LACTBL1: variants seen among roughly 807,000 people sequenced by gnomAD.
The protein encoded by LACTBL1 is beta-lactamase-like protein 1.
In LACTBL1, 29 loss-of-function variants were observed where a neutral mutation model predicts 39.6. The ratio of observed to expected loss-of-function variants is 0.73; its 90% confidence interval spans 0.55 to 1.00. The LOEUF (loss-of-function observed/expected upper bound fraction) is 1.00, where lower values mean the gene tolerates loss of function less well. Among genes scored for constraint, LACTBL1 ranks in the 50% least tolerant of loss-of-function variants. LACTBL1 has a pLI of 0.00. For missense variants in LACTBL1, 711 were observed against 748.5 expected (o/e 0.95, Z 0.59); for synonymous variants, 361 against 360.7 (o/e 1.00, Z -0.01).
chr1:22,953,377 G>A, exon 6 of LACTBL1: 2 of 1,228,540 alleles, frequency 1.6e-6, no homozygotes, highest in Non-Finnish European at 2.0e-6. Context: ...GGTCAGGTTG[G>A]CGAAGGTGAA....
exon 6 of LACTBL1, chr1:22,953,348 C>T: frequency 2.4e-6 from 3 of 1,228,998 alleles, no homozygotes; most frequent in Non-Finnish European, 3.0e-6. Flanking sequence ...CCCGCCGGCC[C>T]GGCGCGCACC....
At chr1:22,958,414 T>G (rs1383268948) in intron 4 of LACTBL1, among the ~76,000 whole-genome samples, 1 of 152,224 alleles carries the variant, frequency 6.6e-6, no homozygotes, top group South Asian at 2.1e-4. Context: ...TGCTCTTGCC[T>G]TATCAACTTC....
chr1:22,961,381 G>A (rs1640820926), intron 2 of LACTBL1, among the ~76,000 whole-genome samples: 1 of 151,768 alleles, frequency 6.6e-6, no homozygotes, highest in South Asian at 2.1e-4. Context: ...TTTGTTTTTT[G>A]AGACCAGAGT....
chr1:22,971,173 G>A, the LACTBL1 span, among the ~76,000 whole-genome samples: 2 of 152,142 alleles, frequency 1.3e-5, no homozygotes, highest in African/African-American at 4.8e-5. Context: ...GAGTCCATGG[G>A]CAGTGAATGG....
chr1:22,965,092 G>A (rs532672722), intron 1 of LACTBL1, among the ~76,000 whole-genome samples, 198 bp downstream of exon 3: 3 of 152,206 alleles, frequency 2.0e-5, no homozygotes, highest in South Asian at 2.1e-4. Flanking sequence ...TATACACGAG[G>A]ACATCGAGGC....
intron 4 of LACTBL1, among the ~76,000 whole-genome samples, chr1:22,957,298 T>C (rs1167105768): frequency 6.6e-6 from 1 of 152,200 alleles, no homozygotes; most frequent in Non-Finnish European, 1.5e-5. Context: ...CTTTTGCTAT[T>C]ACAAACAGTG....
rs924321803 is a variant in LACTBL1 at position 22,953,689 on chromosome 1, G to T, written c.995C>A (p.Pro332Gln). 4.7e-5 allele frequency: 61 copies of T among 1,294,498 alleles called. No individual in the cohort carries two copies. In the African/African-American group the frequency reaches 7.9e-4, roughly 17 times the overall value. The allele number at this position is 1,294,498 out of a possible 1,614,324, so 80.2% of individuals were successfully genotyped here. Residue 332 changes from proline to glutamine, a missense_variant, in exon 6 of 6, where the codon CCG becomes CAG. Coordinates refer to ENST00000426928, the Ensembl canonical transcript of LACTBL1. Reference sequence around the variant, plus strand: ...GTAGGCGCCCGGGCAGGCCAGCAGCGGCGCCAGCAGCGTCTTGGCCGCGTC... The same window carrying T: ...GTAGGCGCCCGGGCAGGCCAGCAGCTGCGCCAGCAGCGTCTTGGCCGCGTC...
chr1:22,970,826 AAC>A, the LACTBL1 span, among the ~76,000 whole-genome samples: 1 of 149,736 alleles, frequency 6.7e-6, no homozygotes, highest in Non-Finnish European at 1.5e-5. Context: ...AAAAAAAAAA[AAC>A]AACTCTTAGA....
At chr1:22,971,201 C>A in the LACTBL1 span, among the ~76,000 whole-genome samples, 1 of 152,174 alleles carries the variant, frequency 6.6e-6, no homozygotes, top group African/African-American at 2.4e-5. Flanking sequence ...GAGATTCAAG[C>A]TCTGTAAGAT....
chr1:22,958,587 G>A (rs1008764133), intron 4 of LACTBL1, 98 bp downstream of exon 6: 5 of 1,019,330 alleles, frequency 4.9e-6, no homozygotes, highest in Non-Finnish European at 7.1e-6. Flanking sequence ...TCAGGAAGCA[G>A]AGCCAAGAGT....
Position 22,963,169 on chromosome 1 carries a change from G to A in LACTBL1, c.97C>T (p.Arg33Trp), listed in dbSNP as rs575989475. Residue 33 changes from arginine (R) to tryptophan (W), a missense_variant, in exon 2 of 6, where the codon CGG becomes TGG. By Grantham distance (101) the Arg-to-Trp change is moderately radical. Coordinates refer to ENST00000426928, the Ensembl canonical transcript of LACTBL1. ...GCCAGGGGCACGGGCTCAGGGTGCC[G>A]GGGACACATCCTCACAGGGGCAGAG... 131 of 1,326,972 alleles carry A rather than the reference G, an allele frequency of 9.9e-5. No individual in the cohort carries two copies. In the South Asian group the frequency reaches 1.1e-3, roughly 11 times the overall value. The allele number at this position is 1,326,972 out of a possible 1,614,324, so 82.2% of individuals were successfully genotyped here.
At position 22,955,310 on chromosome 1, in the gene LACTBL1, A is replaced by G. The variant is rs1640750144; in HGVS notation, c.659+11T>C. The stretch of plus-strand genomic sequence containing the variant: ...CTAACATGAGGCTGGGCATCAGGGT[A>G]TGCTCCTCACCTGGTTCCCGGGTCC... On this transcript the variant is annotated intron_variant, in intron 5 of 5. Transcript: ENST00000426928. 1 of 1,547,682 alleles carries G rather than the reference A, an allele frequency of 6.5e-7. No individual in the cohort carries two copies. The highest frequency in any genetic ancestry group is 8.7e-7 in the Non-Finnish European group (1 of 1,144,510).
At chr1:22,965,531 C>G (rs1343635287), upstream of LACTBL1, 1 of 431,328 alleles carries the variant, frequency 2.3e-6, no homozygotes, top group Non-Finnish European at 3.1e-6. Context: ...CCAGACATCA[C>G]AAGAGCCCAC....
intron 2 of LACTBL1, among the ~76,000 whole-genome samples, chr1:22,961,591 T>C (rs1434281727): frequency 6.6e-6 from 1 of 152,160 alleles, no homozygotes; most frequent in Non-Finnish European, 1.5e-5. Flanking sequence ...CTTGAACTCC[T>C]GACCTCAGGT....
chr1:22,953,583 G>C, exon 6 of LACTBL1: 1 of 1,255,768 alleles, frequency 8.0e-7, no homozygotes, highest in Non-Finnish European at 1.0e-6. Context: ...CGGCGTAGCC[G>C]TCCAGATCGC....
At chr1:22,960,634 A>C (rs979895862) in intron 2 of LACTBL1, among the ~76,000 whole-genome samples, 1 of 151,028 alleles carries the variant, frequency 6.6e-6, no homozygotes, top group African/African-American at 2.4e-5. Flanking sequence ...AAAAAAAAAA[A>C]AAAAAAAACC....
exon 6 of LACTBL1, chr1:22,953,747 G>T: frequency 7.2e-7 from 1 of 1,388,010 alleles, no homozygotes. Flanking sequence ...CCGCCGCCCA[G>T]GAGCGCCACG....
chr1:22,959,637 A>G (rs575312924), intron 3 of LACTBL1, among the ~76,000 whole-genome samples: 8 of 152,312 alleles, frequency 5.3e-5, no homozygotes, highest in African/African-American at 1.9e-4. Flanking sequence ...TTTGTGGCAC[A>G]TGGTCAGGGT....
chr1:22,969,189 CTT>C (rs147480996), upstream of LACTBL1, among the ~76,000 whole-genome samples: 38 of 152,242 alleles, frequency 2.5e-4, no homozygotes, highest in East Asian at 6.6e-3. Flanking sequence ...CGTGTGTGTG[CTT>C]AAGAAATCTT....
Sources: gnomAD v4.1 joint callset for allele counts (sites outside exome capture counted in the v4.1 genomes callset) on GRCh38, gnomAD v4.1.1 for gene constraint, MANE v1.5 for transcripts, NCBI Gene and HGNC (gene_info 2026-07-23, HGNC 2026-07-21) for gene names.